The following CHCHD6 variants were observed in gnomAD, a reference collection of about 807,000 sequenced individuals.
The protein encoded by CHCHD6 is MICOS complex subunit MIC25.
A neutral mutation model predicts 32.3 loss-of-function variants in CHCHD6; 28 were observed. That is an observed-to-expected ratio of 0.87 (90% CI 0.64 to 1.19). The LOEUF is 1.19. Among genes scored for constraint, CHCHD6 ranks in the 50% most tolerant of loss-of-function variants. The pLI, the probability that CHCHD6 is intolerant of heterozygous loss-of-function variation, is 0.00. For synonymous variants in CHCHD6, 122 were observed against 117.5 expected, an observed-to-expected ratio of 1.04 and a Z score of -0.25; for missense variants, 333 against 307.0, an observed-to-expected ratio of 1.08 and a Z score of -0.63.
intron 5 of CHCHD6, among the ~76,000 whole-genome samples, chr3:126,897,925 T>C (rs976553599): frequency 5.9e-5 from 9 of 152,226 alleles, no homozygotes; most frequent in African/African-American, 2.2e-4. Flanking sequence ...TGGCCCTAGA[T>C]GAGTCTTTCA....
At chr3:126,952,724 A>G (rs1430086244) in intron 6 of CHCHD6, among the ~76,000 whole-genome samples, 1 of 152,120 alleles carries the variant, frequency 6.6e-6, no homozygotes, top group Non-Finnish European at 1.5e-5. Flanking sequence ...ATTTTGAGAG[A>G]TGAATGTGTT....
intron 5 of CHCHD6, among the ~76,000 whole-genome samples, chr3:126,868,437 CTT>C (rs1217362247): frequency 2.7e-5 from 4 of 147,400 alleles, no homozygotes; most frequent in African/African-American, 1.0e-4. Context: ...GGCAGCATTG[CTT>C]TTTTTTTTAA....
At chr3:126,766,371 C>T in intron 4 of CHCHD6, 2 of 489,570 alleles carry the variant, frequency 4.1e-6, no homozygotes, top group Non-Finnish European at 3.8e-6. Flanking sequence ...ACTTCCCATC[C>T]CAGTGCACAT....
intron 4 of CHCHD6, among the ~76,000 whole-genome samples, chr3:126,849,265 AG>A: frequency 6.6e-6 from 1 of 152,368 alleles, no homozygotes; most frequent in South Asian, 2.1e-4. Flanking sequence ...CACGATAAAG[AG>A]GGTTCCTGAC....
At chr3:126,958,914 C>G (rs2078823993) in intron 7 of CHCHD6, among the ~76,000 whole-genome samples, 1 of 152,246 alleles carries the variant, frequency 6.6e-6, no homozygotes, top group African/African-American at 2.4e-5. Context: ...ATCCTCCACA[C>G]ACCCAATCAA....
At chr3:126,706,288 A>G (rs1179421694) in intron 1 of CHCHD6, among the ~76,000 whole-genome samples, 3 of 152,240 alleles carry the variant, frequency 2.0e-5, no homozygotes, top group Non-Finnish European at 4.4e-5. Flanking sequence ...TACTTCTGCA[A>G]CATATAAATT....
intron 5 of CHCHD6, among the ~76,000 whole-genome samples, chr3:126,902,182 C>T (rs1472531749): frequency 6.6e-6 from 1 of 152,172 alleles, no homozygotes; most frequent in Non-Finnish European, 1.5e-5. Context: ...ACACTGATGC[C>T]TAAGGCCCAC....
intron 1 of CHCHD6, among the ~76,000 whole-genome samples, chr3:126,717,114 G>A (rs1935056728): frequency 6.6e-6 from 1 of 152,142 alleles, no homozygotes; most frequent in Non-Finnish European, 1.5e-5. Flanking sequence ...GTCAGGCTTT[G>A]GTCCTGTGGC....
At chr3:126,903,092 C>G (rs2077954225) in intron 5 of CHCHD6, among the ~76,000 whole-genome samples, 5 of 152,208 alleles carry the variant, frequency 3.3e-5, no homozygotes. Flanking sequence ...CTGGGGCCTG[C>G]TCTCAGGAGT....
At chr3:126,762,062 G>T (rs1363639637) in intron 4 of CHCHD6, among the ~76,000 whole-genome samples, 1 of 151,932 alleles carries the variant, frequency 6.6e-6, no homozygotes, top group African/African-American at 2.4e-5. Context: ...CTTGCTAAAG[G>T]CTTGTCAATT....
intron 6 of CHCHD6, among the ~76,000 whole-genome samples, chr3:126,936,903 G>A (rs956608120): frequency 1.3e-5 from 2 of 152,144 alleles, no homozygotes; most frequent in Non-Finnish European, 2.9e-5. Context: ...TTCCATATGT[G>A]GCTTGCAGTC....
At chr3:126,787,145 T>C (rs1207487806) in intron 4 of CHCHD6, among the ~76,000 whole-genome samples, 1 of 152,116 alleles carries the variant, frequency 6.6e-6, no homozygotes, top group African/African-American at 2.4e-5. Context: ...AGATGTGTGG[T>C]ATTATTTCTG....
chr3:126,943,952 A>G (rs958930980), intron 6 of CHCHD6, among the ~76,000 whole-genome samples: 14 of 152,250 alleles, frequency 9.2e-5, no homozygotes, highest in Admixed American at 7.2e-4. Context: ...AGAATGGACC[A>G]TAGACCTAAA....
At chr3:126,868,649 A>G (rs570584093) in intron 5 of CHCHD6, among the ~76,000 whole-genome samples, 110 of 152,296 alleles carry the variant, frequency 7.2e-4, no homozygotes, top group Non-Finnish European at 1.4e-3. Context: ...TAATATTTGC[A>G]AAAATGGAAT....
intron 1 of CHCHD6, 24 bp from the exon 2 acceptor site, chr3:126,727,052 CTT>C: frequency 6.4e-7 from 1 of 1,554,930 alleles, no homozygotes; most frequent in Admixed American, 1.7e-5. Flanking sequence ...ATAACTTTTT[CTT>C]TTCCCTCTTT....
At chr3:126,864,738 C>T (rs1370444240) in intron 5 of CHCHD6, among the ~76,000 whole-genome samples, 10 of 150,120 alleles carry the variant, frequency 6.7e-5, no homozygotes, top group African/African-American at 2.5e-4. Flanking sequence ...CCTCTTCCTC[C>T]TCCACCATCA....
chr3:126,732,334 A>T (rs1935849673), intron 3 of CHCHD6, among the ~76,000 whole-genome samples: 1 of 152,170 alleles, frequency 6.6e-6, no homozygotes, highest in Non-Finnish European at 1.5e-5. Flanking sequence ...TGTCATAGAT[A>T]ATTTCATATC....
intron 5 of CHCHD6, among the ~76,000 whole-genome samples, chr3:126,907,640 G>C (rs182699475): frequency 6.6e-6 from 1 of 152,298 alleles, no homozygotes; most frequent in Admixed American, 6.5e-5. Flanking sequence ...AATCTCCCCA[G>C]ATGACCAGTG....
intron 4 of CHCHD6, among the ~76,000 whole-genome samples, chr3:126,782,935 TATCA>T (rs1938018344): frequency 6.6e-6 from 1 of 152,196 alleles, no homozygotes; most frequent in South Asian, 2.1e-4. Context: ...AGGGGTTCAG[TATCA>T]ATCTTTTGCA....
Sources: gnomAD v4.1 joint callset for allele counts (sites outside exome capture counted in the v4.1 genomes callset) on GRCh38, gnomAD v4.1.1 for gene constraint, MANE v1.5 for transcripts, NCBI Gene and HGNC (gene_info 2026-07-23, HGNC 2026-07-21) for gene names.